PTPRE: variants seen among roughly 807,000 people sequenced by gnomAD.
PTPRE encodes the protein protein tyrosine phosphatase receptor type E, also known as receptor-type tyrosine-protein phosphatase epsilon.
In PTPRE, 51 loss-of-function variants were observed where a neutral mutation model predicts 102.0. The observed-to-expected ratio is 0.50, with a 90% CI of 0.40 to 0.63. The LOEUF is 0.63. Among genes scored for constraint, PTPRE ranks in the 30% least tolerant of loss-of-function variants. The pLI is 0.00. For synonymous variants in PTPRE, 345 were observed against 348.2 expected, an observed-to-expected ratio of 0.99 and a Z score of 0.10; for missense variants, 752 against 915.1, an observed-to-expected ratio of 0.82 and a Z score of 2.30.
chr10:128,035,969 C>A (rs1364880039), intron 2 of PTPRE, among the ~76,000 whole-genome samples: 1 of 152,146 alleles, frequency 6.6e-6, no homozygotes, highest in African/African-American at 2.4e-5. Flanking sequence ...CAGGGCCAGA[C>A]AGTGTGATGC....
chr10:127,976,444 G>A (rs879271438), intron 1 of PTPRE, among the ~76,000 whole-genome samples: 31 of 152,206 alleles, frequency 2.0e-4, no homozygotes, highest in Non-Finnish European at 3.7e-4. Flanking sequence ...ATTAGAGAGT[G>A]TGTGCCTTGG....
At chr10:127,984,362 T>C (rs922816672) in intron 2 of PTPRE, among the ~76,000 whole-genome samples, 1 of 152,138 alleles carries the variant, frequency 6.6e-6, no homozygotes, top group Non-Finnish European at 1.5e-5. Context: ...ATTACAAGCA[T>C]GAGCCACCGC....
Position 128,073,493 on chromosome 10 carries a change from G to A in PTPRE, c.1599+22G>A, listed in dbSNP as rs7068168. On this transcript the variant is annotated intron_variant, in intron 17 of 20. Coordinates refer to ENST00000254667, the MANE Select transcript of PTPRE (RefSeq NM_006504.6). ...GCAGGTGAGGAGTGCCGCCCAGCCC[G>A]GTCCCTCCAGGGCAGCCTGTGCACC... 5.3e-3 allele frequency: 8,524 copies of A among 1,601,138 alleles called. 90 individuals carry two copies. Among genetic ancestry groups the A allele is most frequent in the African/African-American group, 0.019 (1,349 of 71,322 alleles).
chr10:128,053,057 T>A (rs1427737145), intron 6 of PTPRE, among the ~76,000 whole-genome samples: 2 of 152,158 alleles, frequency 1.3e-5, no homozygotes, highest in Admixed American at 6.5e-5. Flanking sequence ...CAGACCAGCC[T>A]GTCCAACATG....
Position 128,008,574 on chromosome 10 carries a change from G to A in PTPRE, c.-8+26278G>A, listed in dbSNP as rs61873729. Among the ~76,000 whole-genome samples the A allele has an allele frequency of 0.12, 18,627 of 152,168 alleles. 1,467 individuals carry two copies. Among genetic ancestry groups the A allele is most frequent in the East Asian group, 0.34 (1,748 of 5,154 alleles). ...ATTTCCTGGGAGACAGCCAGCCTGG[G>A]CTAGTGGAGCATCCCGCCTTTGCTT... On this transcript the variant is annotated intron_variant, in intron 2 of 20. Transcript: ENST00000254667. The surrounding 1 kb of genome is among the most constrained non-coding windows in gnomAD (Gnocchi z 4.0).
chr10:128,072,313 A>G (rs1850841436), intron 16 of PTPRE, 99 bp downstream of exon 16: 3 of 1,130,260 alleles, frequency 2.7e-6, no homozygotes, highest in South Asian at 1.5e-5. Context: ...AAGAATTGAC[A>G]TGTTTCCAGA....
Position 128,021,019 on chromosome 10 carries a change from C to A in PTPRE, c.-7-19856C>A, listed in dbSNP as rs199645144. 4.6e-5 allele frequency among the ~76,000 whole-genome samples: 7 copies of A among 151,062 alleles called. No homozygotes were observed. The South Asian group carries it at 1.5e-3, about 32-fold the overall frequency. On this transcript the variant is annotated intron_variant, in intron 2 of 20. Transcript: ENST00000254667. Reference sequence around the variant, plus strand: ...TTCACGCCATTCTGCCTCAGCCTCCCGAGTAGCTGGGACTACAGGTGCCCG... The same window carrying A: ...TTCACGCCATTCTGCCTCAGCCTCCAGAGTAGCTGGGACTACAGGTGCCCG...
intron 1 of PTPRE, among the ~76,000 whole-genome samples, chr10:127,927,526 T>C (rs754144896): frequency 6.6e-6 from 1 of 152,196 alleles, no homozygotes; most frequent in Admixed American, 6.5e-5. Flanking sequence ...TTCAGGGCCA[T>C]GTAACCAGAG....
At chr10:128,034,740 A>T (rs1013704856) in intron 2 of PTPRE, among the ~76,000 whole-genome samples, 2 of 152,190 alleles carry the variant, frequency 1.3e-5, no homozygotes, top group Non-Finnish European at 2.9e-5. Flanking sequence ...CAAGGAAGCA[A>T]TAAAGTGAAT....
At chr10:128,020,501 G>A (rs1040543319) in intron 2 of PTPRE, among the ~76,000 whole-genome samples, 1 of 152,070 alleles carries the variant, frequency 6.6e-6, no homozygotes, top group Admixed American at 6.5e-5. Context: ...CTGTGGCTCA[G>A]TATTTGGGTT....
intron 2 of PTPRE, among the ~76,000 whole-genome samples, chr10:128,025,573 C>G (rs1330720537): frequency 6.6e-6 from 1 of 152,210 alleles, no homozygotes; most frequent in Non-Finnish European, 1.5e-5. Flanking sequence ...CCTGTGCCCC[C>G]ATCCTGAGCT....
chr10:127,926,697 AGCAGGG>A (rs1564802167), intron 1 of PTPRE, among the ~76,000 whole-genome samples: 1 of 151,684 alleles, frequency 6.6e-6, no homozygotes, highest in Non-Finnish European at 1.5e-5. Flanking sequence ...GGAGACGCCT[AGCAGGG>A]GAGGAACTAG....
In PTPRE at chr10:127,944,230, G is replaced by A. The variant is rs1252032557; in HGVS notation, c.-31+36921G>A. Among the ~76,000 whole-genome samples, 2 of 152,216 alleles carry A rather than the reference G, an allele frequency of 1.3e-5. No individual in the cohort carries two copies. The highest frequency in any genetic ancestry group is 2.9e-5 in the Non-Finnish European group (2 of 68,030). ...GAACTGGGGTATAAAGTAGGACTGAGAATTAAGAGGAAGACCACAGCTGTT... is the reference window on the plus strand; with the variant it reads ...GAACTGGGGTATAAAGTAGGACTGAAAATTAAGAGGAAGACCACAGCTGTT... On this transcript the variant is annotated intron_variant, in intron 1 of 20. Coordinates refer to ENST00000254667, the MANE Select transcript of PTPRE (RefSeq NM_006504.6). This position sits in a 1 kb window ranked among gnomAD's most constrained non-coding sequence, Gnocchi z 4.2.
intron 7 of PTPRE, 92 bp downstream of exon 7, chr10:128,056,305 G>C (rs1334632082): frequency 7.8e-6 from 8 of 1,031,098 alleles, no homozygotes; most frequent in African/African-American, 1.6e-5. Flanking sequence ...GGCCATTCCT[G>C]GTGCTCAGAG....
At chr10:127,955,315 TAC>T (rs1849322757) in intron 1 of PTPRE, among the ~76,000 whole-genome samples, 2 of 151,964 alleles carry the variant, frequency 1.3e-5, no homozygotes, top group African/African-American at 4.8e-5. Flanking sequence ...CATACATACA[TAC>T]ATACATATAT....
At chr10:128,064,492 C>T (rs1030142556) in intron 10 of PTPRE, among the ~76,000 whole-genome samples, 3 of 152,224 alleles carry the variant, frequency 2.0e-5, no homozygotes, top group African/African-American at 7.2e-5. Context: ...GACACCCACG[C>T]GAGGGAAAAG....
chr10:128,064,302 G>A (rs1252033335), intron 10 of PTPRE, among the ~76,000 whole-genome samples: 8 of 152,252 alleles, frequency 5.3e-5, no homozygotes, highest in African/African-American at 1.9e-4. Context: ...ATAGGATGGA[G>A]GCTTTCATTC....
chr10:128,017,217 G>A (rs1252563669), intron 2 of PTPRE, among the ~76,000 whole-genome samples: 1 of 152,194 alleles, frequency 6.6e-6, no homozygotes, highest in Non-Finnish European at 1.5e-5. Flanking sequence ...TCCCTGGAGA[G>A]GTTGGCATGG....
chr10:128,078,637 C>A (rs1851432909), intron 19 of PTPRE, among the ~76,000 whole-genome samples: 1 of 152,216 alleles, frequency 6.6e-6, no homozygotes, highest in African/African-American at 2.4e-5. Context: ...GAGCTCTCTC[C>A]CTGCCTGGAC....
Sources: gnomAD v4.1 joint callset for allele counts (sites outside exome capture counted in the v4.1 genomes callset) on GRCh38, gnomAD v4.1.1 for gene constraint, Gnocchi (gnomAD v3.1) non-coding constraint, MANE v1.5 for transcripts, NCBI Gene and HGNC (gene_info 2026-07-23, HGNC 2026-07-21) for gene names.